SAFB: variants seen among roughly 807,000 people sequenced by gnomAD.
The protein encoded by SAFB is scaffold attachment factor B1.
Under a neutral mutation model 101.6 loss-of-function variants are expected in SAFB, and 15 were observed. The ratio of observed to expected loss-of-function variants is 0.15; its 90% CI spans 0.10 to 0.23. The LOEUF is 0.23. Ranked by LOEUF, SAFB falls within the 10% of genes least tolerant of loss-of-function variation. The pLI is 1.00. For missense variants in SAFB, 930 were observed against 1,104.1 expected, an observed-to-expected ratio of 0.84 and a Z score of 2.23; for synonymous variants, 449 against 407.5, an observed-to-expected ratio of 1.10 and a Z score of -1.23.
At chr19:5,647,791 A>G (rs1045146733) in intron 5 of SAFB, among the ~76,000 whole-genome samples, 11 of 152,202 alleles carry the variant, frequency 7.2e-5, no homozygotes, top group African/African-American at 2.7e-4. Context: ...AAGTGAGACC[A>G]GTTCCAGGCT....
Position 5,641,758 on chromosome 19 carries a change from C to G in SAFB, c.358C>G (p.Leu120Val), listed in dbSNP as rs61760907. 52 of 1,613,918 alleles carry G rather than the reference C, an allele frequency of 3.2e-5. 1 individual carries two copies. The African/African-American group carries it at 5.7e-4, about 18-fold the overall frequency. Residue 120 changes from leucine to valine, a missense_variant, in exon 4 of 21, where the codon CTG becomes GTG. By Grantham distance (32) the Leu-to-Val change is conservative (BLOSUM62 1). This residue lies in a region of SAFB where 119 missense variants were observed against 171.4 expected (regional missense o/e 0.69). Coordinates refer to ENST00000588852, the MANE Select transcript of SAFB (RefSeq NM_001201338.2). The part of the protein sequence containing the change: ...GDGQEDVETS[L>V]ENLQDIDIMD... ...GTCACAGGAGGATGTTGAGACCAGTCTGGAGAACTTGCAGGACATCGACAT... is the reference window on the plus strand; with the variant it reads ...GTCACAGGAGGATGTTGAGACCAGTGTGGAGAACTTGCAGGACATCGACAT...
chr19:5,650,043 C>CT, intron 8 of SAFB, 68 bp downstream of exon 8: 1 of 1,266,618 alleles, frequency 7.9e-7, no homozygotes, highest in East Asian at 2.3e-5. Context: ...GTATTTGATT[C>CT]TGGTTCATCG....
intron 2 of SAFB, among the ~76,000 whole-genome samples, chr19:5,632,332 T>C (rs2053507030): frequency 6.6e-6 from 1 of 152,206 alleles, no homozygotes; most frequent in African/African-American, 2.4e-5. Context: ...TACATTTGCC[T>C]TGTCCTTTTC....
chr19:5,654,284 G>A (rs901799196), intron 12 of SAFB, 84 bp downstream of exon 12: 29 of 1,589,034 alleles, frequency 1.8e-5, no homozygotes, highest in East Asian at 2.2e-5. Flanking sequence ...AGCTGGCAAC[G>A]GAAACTGGAT....
At position 5,668,364 on chromosome 19, in the gene SAFB, A is replaced by G; in HGVS notation, c.*73A>G. On this transcript the variant is annotated 3_prime_UTR_variant, in exon 21 of 21. Coordinates refer to ENST00000588852, the MANE Select transcript of SAFB (RefSeq NM_001201338.2). ...GTTAGGAGTTACCTTAAACTGTGTA[A>G]AAATATTTTTTTTTAATCTGCTGCC... 2.7e-6 allele frequency: 4 copies of G among 1,508,548 alleles called. No homozygotes were observed. The highest frequency in any genetic ancestry group is 3.5e-6 in the Non-Finnish European group (4 of 1,135,440). The allele number at this position is 1,508,548 out of a possible 1,614,324, so 93.4% of individuals were successfully genotyped here.
Position 5,664,169 on chromosome 19 carries a change from GCCC to G in SAFB, c.2291+12_2291+14del. The G allele has an allele frequency of 6.2e-7, 1 of 1,612,514 alleles. No homozygotes were observed. Among genetic ancestry groups the G allele is most frequent in the Non-Finnish European group, 8.5e-7 (1 of 1,179,538 alleles). ...ACCACTCGGTGGACAGGTCAGTTGG[GCCC>G]CTGCTGGGCGTGCGGGTTTTCTTTT... On this transcript the variant is annotated intron_variant, in intron 16 of 20. Transcript: ENST00000588852.
Position 5,657,233 on chromosome 19 carries a change from T to C in SAFB, c.1756-8T>C. ...GCTTTAACTTTTTAATGTTCTTTGGTGAACTAGGCTTCCAAAAGCCAGGAT... is the reference window on the plus strand; with the variant it reads ...GCTTTAACTTTTTAATGTTCTTTGGCGAACTAGGCTTCCAAAAGCCAGGAT... On this transcript the variant is annotated splice_polypyrimidine_tract_variant and splice_region_variant and intron_variant, in intron 13 of 20. Coordinates refer to ENST00000588852, the MANE Select transcript of SAFB (RefSeq NM_001201338.2). 6.2e-7 allele frequency: 1 copy of C among 1,610,928 alleles called. No individual in the cohort carries two copies. The highest frequency in any genetic ancestry group is 8.5e-7 in the Non-Finnish European group (1 of 1,177,488).
intron 4 of SAFB, among the ~76,000 whole-genome samples, chr19:5,643,098 T>C (rs956421117): frequency 5.3e-5 from 8 of 152,136 alleles, no homozygotes; most frequent in Non-Finnish European, 8.8e-5. Context: ...AGAACTAAGA[T>C]CAGGCTAATT....
chr19:5,664,048 C>G lies in SAFB; in HGVS notation c.2180C>G (p.Ala727Gly). ...CGAGATGATGCCTATTGGCCGGAAG[C>G]CAAGCGGGCCGCCCTGGATGAGCGC... Reference protein sequence around the residue: ...DRRDDAYWPEAKRAALDERYH... With the variant: ...DRRDDAYWPEGKRAALDERYH... The change falls in exon 16 of 21, where the codon GCC (alanine) becomes GGC (glycine). Residue 727 changes from alanine (A) to glycine (G), a missense_variant. This residue lies in a region of SAFB where 318 missense variants were observed against 342.6 expected (regional missense o/e 0.93). Coordinates refer to ENST00000588852, the MANE Select transcript of SAFB (RefSeq NM_001201338.2). 2 of 1,614,028 alleles carry G rather than the reference C, an allele frequency of 1.2e-6. No individual in the cohort carries two copies. The highest frequency in any genetic ancestry group is 1.7e-6 in the Non-Finnish European group (2 of 1,180,012).
chr19:5,661,480 G>A, intron 14 of SAFB, 38 bp from the exon 15 acceptor site: 3 of 1,605,268 alleles, frequency 1.9e-6, no homozygotes, highest in Non-Finnish European at 2.6e-6. Flanking sequence ...CTGGCTGGGG[G>A]TGTCTAGGTC....
chr19:5,633,478 T>C (rs1370513820), intron 2 of SAFB, among the ~76,000 whole-genome samples: 3 of 152,126 alleles, frequency 2.0e-5, no homozygotes, highest in Non-Finnish European at 4.4e-5. Context: ...TGAGGAGAGC[T>C]ATTAGAAACC....
chr19:5,663,925 C>T, intron 15 of SAFB, 97 bp from the exon 16 acceptor site: 1 of 1,343,110 alleles, frequency 7.4e-7, no homozygotes, highest in Non-Finnish European at 1.0e-6. Flanking sequence ...TGAAAGTCAT[C>T]CTGGTTCTGT....
At chr19:5,631,797 A>G (rs1361955269) in intron 2 of SAFB, among the ~76,000 whole-genome samples, 2 of 152,332 alleles carry the variant, frequency 1.3e-5, no homozygotes, top group South Asian at 2.1e-4. Context: ...TGTAAGCCCA[A>G]CAGTTTGGGA....
At chr19:5,638,086 A>T (rs1229177258) in intron 2 of SAFB, among the ~76,000 whole-genome samples, 1 of 152,250 alleles carries the variant, frequency 6.6e-6, no homozygotes, top group East Asian at 1.9e-4. Flanking sequence ...ATGAAAAAGC[A>T]AATGACTATA....
intron 6 of SAFB, 141 bp downstream of exon 6, chr19:5,648,184 C>G: frequency 1.4e-6 from 1 of 698,204 alleles, no homozygotes; most frequent in Non-Finnish European, 2.4e-6. Context: ...CAAAACCTAC[C>G]AGGATCATAG....
rs1418843589 is a variant in SAFB at position 5,667,687 on chromosome 19, C to G, written c.2558-133C>G. 5.9e-6 allele frequency: 5 copies of G among 848,508 alleles called. No individual in the cohort carries two copies. In the Admixed American group the frequency reaches 6.6e-5, roughly 11 times the overall value. The allele number at this position is 848,508 out of a possible 1,614,324, so 52.6% of individuals were successfully genotyped here. A position where few individuals can be genotyped will look rare whatever the true frequency, so the allele number is the denominator to read the frequency against. On this transcript the variant is annotated intron_variant, in intron 19 of 20. Transcript: ENST00000588852. The surrounding 1 kb of genome is among the most constrained non-coding windows in gnomAD (Gnocchi z 4.0). ...GCTGGACGTCTATGGTCCCTGTGCC[C>G]AGGTGTCTTCCTGGGACCCGCTAGT...
rs2054365447 is a variant in SAFB at position 5,667,714 on chromosome 19, G to A, written c.2558-106G>A. ...GGTGTCTTCCTGGGACCCGCTAGTT[G>A]TGGGTACCTGGGGGCCTCACCAAAG... On this transcript the variant is annotated intron_variant, in intron 19 of 20. Transcript: ENST00000588852. This position sits in a 1 kb window ranked among gnomAD's most constrained non-coding sequence, Gnocchi z 4.0. The A allele has an allele frequency of 2.8e-6, 3 of 1,090,086 alleles. No individual in the cohort carries two copies. The highest frequency in any genetic ancestry group is 2.8e-6 in the Non-Finnish European group (2 of 724,036). 67.5% of individuals were successfully genotyped at this position (1,090,086 alleles called of 1,614,324 possible). A position where few individuals can be genotyped will look rare whatever the true frequency, so the allele number is the denominator to read the frequency against.
intron 2 of SAFB, among the ~76,000 whole-genome samples, chr19:5,637,863 A>T (rs2145419832): frequency 6.6e-6 from 1 of 152,272 alleles, no homozygotes; most frequent in East Asian, 1.9e-4. Flanking sequence ...TGCCTTTGAG[A>T]TGTGGTCTTC....
At chr19:5,627,464 C>T (rs910192399) in intron 2 of SAFB, among the ~76,000 whole-genome samples, 2 of 152,192 alleles carry the variant, frequency 1.3e-5, no homozygotes, top group Non-Finnish European at 2.9e-5. Context: ...AGTAGGACTG[C>T]CTGAGCCTCC....
Sources: allele counts gnomAD v4.1 joint callset (sites outside exome capture counted in the v4.1 genomes callset), GRCh38; gene constraint gnomAD v4.1.1; regional missense constraint gnomAD v4.1.1; non-coding constraint Gnocchi (gnomAD v3.1); transcripts MANE v1.5; gene names NCBI Gene and HGNC (gene_info 2026-07-23, HGNC 2026-07-21).